The following SFI1 variants were observed in gnomAD, a reference collection of about 807,000 sequenced individuals.
SFI1 encodes SFI1 centrin binding protein.
In SFI1, 195 loss-of-function variants were observed where a neutral mutation model predicts 207.5. The ratio of observed to expected loss-of-function variants is 0.94; its 90% CI spans 0.84 to 1.06. The LOEUF is 1.06. Among genes scored for constraint, SFI1 ranks in the 50% least tolerant of loss-of-function variants. The pLI is 0.00. For synonymous variants in SFI1, 630 were observed against 598.9 expected (o/e 1.05, Z -0.76); for missense variants, 1,634 against 1,588.0 (o/e 1.03, Z -0.49).
chr22:31,555,545 G>A (rs2061081989), intron 6 of SFI1, among the ~76,000 whole-genome samples: 1 of 152,184 alleles, frequency 6.6e-6, no homozygotes, highest in Non-Finnish European at 1.5e-5. Context: ...CAGAATCATG[G>A]CAGAGACAGT....
chr22:31,517,220 C>G (rs1375639206), intron 2 of SFI1, among the ~76,000 whole-genome samples: 3 of 152,028 alleles, frequency 2.0e-5, no homozygotes, highest in Non-Finnish European at 2.9e-5. Context: ...TTTAAGGAAT[C>G]TATTTCTTCC....
rs528072758 is a variant in SFI1 at position 31,595,863 on chromosome 22, T to C, written c.1544+6286T>C. 2.7e-4 allele frequency among the ~76,000 whole-genome samples: 41 copies of C among 152,222 alleles called. 1 individual carries two copies. The highest frequency in any genetic ancestry group is 9.4e-4 in the African/African-American group (39 of 41,530). Reference sequence around the variant, plus strand: ...GTACATGGAACTAGTAAAATGACAGTTTTGGAAATTACCTTAAGTTCAGTG... The same window carrying C: ...GTACATGGAACTAGTAAAATGACAGCTTTGGAAATTACCTTAAGTTCAGTG... On this transcript the variant is annotated intron_variant, in intron 15 of 32. Transcript: ENST00000400288.
At chr22:31,572,787 G>A in intron 8 of SFI1, 1 of 254,110 alleles carries the variant, frequency 3.9e-6, no homozygotes, top group South Asian at 8.2e-5. Flanking sequence ...ACAGGCGAGA[G>A]CCACTGCACC....
chr22:31,503,428 G>A (rs1268130609), intron 1 of SFI1, among the ~76,000 whole-genome samples: 2 of 151,918 alleles, frequency 1.3e-5, no homozygotes, highest in African/African-American at 2.4e-5. Context: ...TTCCTTTCTT[G>A]TAAAACCTGT....
intron 22 of SFI1, among the ~76,000 whole-genome samples, chr22:31,608,959 T>G (rs76744416): frequency 0.012 from 1,765 of 151,950 alleles, 36 homozygotes; most frequent in African/African-American, 0.04. Flanking sequence ...TGAACTATGA[T>G]CACACCACTG....
rs1733646863 is a variant in SFI1, at chr22:31,561,293, G to A, written c.666G>A (p.Val222=). Residue 222 remains valine (V), a synonymous_variant, in exon 8 of 33, where the codon GTG becomes GTA. Coordinates refer to ENST00000400288, the MANE Select transcript of SFI1 (RefSeq NM_001007467.3). ...TCTTTGATTTGCTGTTTCACAGGGTGTGGTGGAGCACGTGGAGGCAGCGAC... is the reference window on the plus strand; with the variant it reads ...TCTTTGATTTGCTGTTTCACAGGGTATGGTGGAGCACGTGGAGGCAGCGAC... ...LEFRQRIILR[V]WWSTWRQRLG... is the part of the protein sequence containing the mutation. 7 of 1,613,894 alleles carry A rather than the reference G, an allele frequency of 4.3e-6. No individual in the cohort carries two copies. In the African/African-American group the frequency reaches 8.0e-5, roughly 18 times the overall value.
At chr22:31,614,077 C>A in intron 27 of SFI1, 1 of 588,850 alleles carries the variant, frequency 1.7e-6, no homozygotes, top group Non-Finnish European at 2.8e-6. Flanking sequence ...CTTTGCCTGC[C>A]AAAGCTCAGG....
At chr22:31,602,440 A>G in intron 16 of SFI1, 147 bp downstream of exon 16, 1 of 1,134,160 alleles carries the variant, frequency 8.8e-7, no homozygotes, top group Non-Finnish European at 1.3e-6. Flanking sequence ...GCTCTGGGGC[A>G]TCTGTCCTTT....
intron 4 of SFI1, among the ~76,000 whole-genome samples, chr22:31,539,345 G>C (rs1476996024): frequency 1.3e-5 from 2 of 152,102 alleles, no homozygotes; most frequent in Non-Finnish European, 2.9e-5. Flanking sequence ...GAAAGTAAAA[G>C]CCCAGAGTCC....
chr22:31,614,607 G>A, intron 27 of SFI1, 182 bp from the exon 28 acceptor site: 2 of 720,128 alleles, frequency 2.8e-6, no homozygotes, highest in Non-Finnish European at 5.0e-6. Flanking sequence ...CTGGCGTCAG[G>A]TACCTTTTGT....
rs770987533 is a variant in SFI1, at chr22:31,604,292, TTC to T, written c.1882-14_1882-13del. 1.0e-5 allele frequency: 16 copies of T among 1,558,800 alleles called. No individual in the cohort carries two copies. The East Asian group carries it at 3.8e-4, about 37-fold the overall frequency. On this transcript the variant is annotated splice_polypyrimidine_tract_variant and intron_variant, in intron 18 of 32. Transcript: ENST00000400288. ...CAGACCCCAGCCCACGGTAGCTGCT[TTC>T]TCCTCTGTCTGCAGTGCCTGGCCCT...
At chr22:31,517,484 G>A (rs916690790) in intron 2 of SFI1, among the ~76,000 whole-genome samples, 6 of 151,736 alleles carry the variant, frequency 4.0e-5, no homozygotes, top group South Asian at 2.1e-4. Flanking sequence ...TTCGGCTCAA[G>A]CAATTCGCCT....
Position 31,536,414 on chromosome 22 carries a change from A to G in SFI1, c.338+5285A>G, listed in dbSNP as rs1465666546. ...TATTTTCCTAAAATCCGTTTTATTT[A>G]TTTATTTATTTTTTGAGACGAAGTT... On this transcript the variant is annotated intron_variant, in intron 4 of 32. Coordinates refer to ENST00000400288, the MANE Select transcript of SFI1 (RefSeq NM_001007467.3). Among the ~76,000 whole-genome samples, 5 of 152,152 alleles carry G rather than the reference A, an allele frequency of 3.3e-5. No individual in the cohort carries two copies. In the East Asian group the frequency reaches 9.6e-4, roughly 29 times the overall value.
upstream of SFI1, chr22:31,496,509 C>T (rs1000222544): frequency 3.9e-5 from 6 of 152,296 alleles, no homozygotes; most frequent in African/African-American, 1.4e-4. Flanking sequence ...CCGCGCGAGA[C>T]TGGCGTCTAG....
At chr22:31,524,451 C>A (rs1304024149) in intron 2 of SFI1, among the ~76,000 whole-genome samples, 1 of 151,156 alleles carries the variant, frequency 6.6e-6, no homozygotes, top group East Asian at 1.9e-4. Flanking sequence ...GAGACAGGGT[C>A]TCACTCTGTC....
chr22:31,591,877 A>G (rs866500591), intron 15 of SFI1, among the ~76,000 whole-genome samples: 19 of 56,024 alleles, frequency 3.4e-4, no homozygotes, highest in African/African-American at 4.4e-4. Context: ...CTCACCTCCC[A>G]GACGGGGTGG....
chr22:31,528,421 C>T (rs1286029900), intron 2 of SFI1, among the ~76,000 whole-genome samples: 2 of 152,152 alleles, frequency 1.3e-5, no homozygotes, highest in Non-Finnish European at 2.9e-5. Flanking sequence ...AAGAACCTGT[C>T]TCAAACAAAA....
At chr22:31,598,293 A>G (rs534705245) in intron 15 of SFI1, among the ~76,000 whole-genome samples, 4 of 149,870 alleles carry the variant, frequency 2.7e-5, no homozygotes, top group East Asian at 2.0e-4. Context: ...CCGAGTTTTC[A>G]TAATTTATGC....
At chr22:31,529,350 C>A (rs956148065) in intron 3 of SFI1, among the ~76,000 whole-genome samples, 1 of 152,068 alleles carries the variant, frequency 6.6e-6, no homozygotes, top group African/African-American at 2.4e-5. Flanking sequence ...GAGTTTGAGA[C>A]CCCGTCTCCA....
Sources: allele counts gnomAD v4.1 joint callset (sites outside exome capture counted in the v4.1 genomes callset), GRCh38; gene constraint gnomAD v4.1.1; transcripts MANE v1.5; gene names NCBI Gene and HGNC (gene_info 2026-07-23, HGNC 2026-07-21).